The following PCDHA1 variants were observed in gnomAD, a reference collection of about 807,000 sequenced individuals.
PCDHA1 encodes the protein protocadherin alpha 1, also known as protocadherin alpha-1.
PCDHA1 carries 42 observed loss-of-function variants against 61.3 expected under a neutral mutation model. The ratio of observed to expected loss-of-function variants is 0.69; its 90% CI spans 0.54 to 0.89. PCDHA1 has a LOEUF of 0.89. Among genes scored for constraint, PCDHA1 ranks in the 40% least tolerant of loss-of-function variants. The probability of loss-of-function intolerance (pLI) is 0.00; values close to 1 mark genes in which losing one functional copy is unlikely to be tolerated. For missense variants in PCDHA1, 1,256 were observed against 1,235.3 expected (o/e 1.02, Z -0.25); for synonymous variants, 610 against 553.8 (o/e 1.10, Z -1.43).
At chr5:140,980,856 G>A (rs559833499) in intron 2 of PCDHA1, among the ~76,000 whole-genome samples, 2 of 152,004 alleles carry the variant, frequency 1.3e-5, no homozygotes, top group African/African-American at 2.4e-5. Context: ...AATCTTTTTC[G>A]TATGTGTGCT....
rs1290458104 is a variant in PCDHA1 at position 140,849,842 on chromosome 5, C to T, written c.2394+61158C>T. 18 of 1,598,416 alleles carry T rather than the reference C, an allele frequency of 1.1e-5. 3 individuals carry two copies. Among genetic ancestry groups the T allele is most frequent in the Admixed American group, 1.7e-5 (1 of 59,304 alleles). On this transcript the variant is annotated intron_variant, in intron 1 of 3. Coordinates refer to ENST00000504120, the MANE Select transcript of PCDHA1 (RefSeq NM_018900.4). The stretch of plus-strand genomic sequence containing the variant: ...TGTCTGTGGAGGTGGCCGACGTGAA[C>T]GACAACGCACCAGCGTTCGCGCAGT...
At chr5:140,921,134 C>G (rs2080042608) in intron 1 of PCDHA1, among the ~76,000 whole-genome samples, 1 of 111,400 alleles carries the variant, frequency 9.0e-6, no homozygotes, top group African/African-American at 3.7e-5. Flanking sequence ...GTGCACACCA[C>G]TACACCCAGC....
rs1554124059 is a variant in PCDHA1 at position 140,807,509 on chromosome 5, G to T, written c.2394+18825G>T. ...CGCGGAGTGCAGCATCCACCTGGAG[G>T]TGATCGTAGACAGGCCGCTGCAGGT... On this transcript the variant is annotated intron_variant, in intron 1 of 3. Transcript: ENST00000504120. 2.5e-6 allele frequency: 4 copies of T among 1,613,908 alleles called. No homozygotes were observed. The Admixed American group carries it at 5.0e-5, about 20-fold the overall frequency.
intron 1 of PCDHA1, among the ~76,000 whole-genome samples, chr5:140,937,123 C>T (rs1255527159): frequency 1.3e-5 from 2 of 151,390 alleles, no homozygotes; most frequent in Non-Finnish European, 2.9e-5. Context: ...CTGCAAGCTC[C>T]GCCTCCCGGG....
In PCDHA1 at chr5:140,822,000, G is replaced by A. The variant is rs2150112853; in HGVS notation, c.2394+33316G>A. ...CCAAGGGCCGCGGGGACCTTCTGGA[G>A]GTAAATCTGCAGAATGGCATTTTGT... On this transcript the variant is annotated intron_variant, in intron 1 of 3. Coordinates refer to ENST00000504120, the MANE Select transcript of PCDHA1 (RefSeq NM_018900.4). 1.5e-5 allele frequency: 25 copies of A among 1,614,078 alleles called. No individual in the cohort carries two copies. In the Admixed American group the frequency reaches 3.8e-4, roughly 25 times the overall value.
intron 1 of PCDHA1, among the ~76,000 whole-genome samples, chr5:140,903,156 T>G (rs1287323901): frequency 6.6e-6 from 1 of 152,232 alleles, no homozygotes; most frequent in Non-Finnish European, 1.5e-5. Flanking sequence ...CCATAGTGGT[T>G]GTGCTGGTTT....
At position 140,867,338 on chromosome 5, in the gene PCDHA1, A is replaced by C. The variant is rs535853406; in HGVS notation, c.2394+78654A>C. The stretch of plus-strand genomic sequence containing the variant: ...TGGTCTAATGTTATGTTTTGATTAG[A>C]GGCTACTATGATTGATTATTTTACA... On this transcript the variant is annotated intron_variant, in intron 1 of 3. Transcript: ENST00000504120. 3.3e-5 allele frequency: 5 copies of C among 152,270 alleles called. No individual in the cohort carries two copies. In the East Asian group the frequency reaches 5.8e-4, roughly 18 times the overall value. The allele number at this position is 152,270 out of a possible 1,614,324, so 9.4% of individuals were successfully genotyped here.
At chr5:140,836,250 C>T (rs1554135772) in intron 1 of PCDHA1, 18 of 1,613,676 alleles carry the variant, frequency 1.1e-5, no homozygotes, top group Non-Finnish European at 1.4e-5. Context: ...CATCCCGTTC[C>T]GCGTGGGGCT....
intron 1 of PCDHA1, chr5:140,859,188 C>T (rs2045759773): frequency 6.7e-6 from 1 of 149,820 alleles, no homozygotes; most frequent in Non-Finnish European, 1.5e-5. Flanking sequence ...TTAGGCATTG[C>T]TTATGATATT....
chr5:140,819,115 T>C (rs1766493901), intron 1 of PCDHA1, among the ~76,000 whole-genome samples: 1 of 152,216 alleles, frequency 6.6e-6, no homozygotes, highest in Non-Finnish European at 1.5e-5. Flanking sequence ...TGGTATCCTT[T>C]CTTACTATCC....
chr5:140,965,708 A>T (rs2095927788), intron 1 of PCDHA1, among the ~76,000 whole-genome samples: 1 of 152,244 alleles, frequency 6.6e-6, no homozygotes, highest in African/African-American at 2.4e-5. Context: ...AGCTTGAGAG[A>T]AGAATCTCTT....
At chr5:140,963,517 T>C (rs2095769422) in intron 1 of PCDHA1, among the ~76,000 whole-genome samples, 1 of 152,238 alleles carries the variant, frequency 6.6e-6, no homozygotes, top group East Asian at 1.9e-4. Flanking sequence ...GGGGTTCTCA[T>C]AACAGAAGTC....
chr5:140,968,476 G>A (rs1295691287), intron 1 of PCDHA1: 1 of 1,613,974 alleles, frequency 6.2e-7, no homozygotes, highest in East Asian at 2.2e-5. Flanking sequence ...TATATGTGGT[G>A]GACATGAATG....
intron 1 of PCDHA1, chr5:140,815,720 A>G (rs2150041009): frequency 6.6e-6 from 1 of 152,256 alleles, no homozygotes; most frequent in South Asian, 2.1e-4. Context: ...AGCATCCCCT[A>G]ATTTTAACTC....
At chr5:140,981,766 T>C (rs1321747581) in intron 2 of PCDHA1, among the ~76,000 whole-genome samples, 7 of 152,144 alleles carry the variant, frequency 4.6e-5, no homozygotes, top group Non-Finnish European at 1.0e-4. Flanking sequence ...CATACATAAA[T>C]GAATACTGCA....
intron 1 of PCDHA1, chr5:140,875,605 G>T (rs782421314): frequency 3.5e-5 from 57 of 1,613,756 alleles, no homozygotes; most frequent in Admixed American, 1.3e-4. Context: ...CGGCACCTTC[G>T]TGGGCCGCAT....
At chr5:140,828,394 G>T in intron 1 of PCDHA1, 1 of 1,614,292 alleles carries the variant, frequency 6.2e-7, no homozygotes, top group Non-Finnish European at 8.5e-7. Flanking sequence ...GGAGCGCGGA[G>T]TGCAGCATCC....
intron 1 of PCDHA1, chr5:140,824,165 A>G (rs1554129779): frequency 2.5e-6 from 4 of 1,610,830 alleles, no homozygotes; most frequent in Non-Finnish European, 3.4e-6. Flanking sequence ...TTTCCCTCCC[A>G]ATTTTCAAAT....
At chr5:140,822,795 G>C (rs2150119402) in intron 1 of PCDHA1, 1 of 1,614,092 alleles carries the variant, frequency 6.2e-7, no homozygotes, top group East Asian at 2.2e-5. Context: ...TGAAACTCCT[G>C]GATGTGAATG....
Sources: gnomAD v4.1 joint callset for allele counts (sites outside exome capture counted in the v4.1 genomes callset) on GRCh38, gnomAD v4.1.1 for gene constraint, MANE v1.5 for transcripts, NCBI Gene and HGNC (gene_info 2026-07-23, HGNC 2026-07-21) for gene names.